ATRNL1: variants seen among roughly 807,000 people sequenced by gnomAD.
The protein encoded by ATRNL1 is attractin-like protein 1.
ATRNL1 carries 95 observed loss-of-function variants against 182.7 expected under a neutral mutation model. The observed-to-expected ratio is 0.52, with a 90% CI of 0.44 to 0.62. The LOEUF is 0.62. Among genes scored for constraint, ATRNL1 ranks in the 20% least tolerant of loss-of-function variants. The pLI is 0.00. For synonymous variants in ATRNL1, 576 were observed against 568.3 expected (o/e 1.01, Z -0.19); for missense variants, 1,471 against 1,679.5 (o/e 0.88, Z 2.17).
intron 28 of ATRNL1, among the ~76,000 whole-genome samples, chr10:115,895,754 T>G (rs888534026): frequency 1.3e-5 from 2 of 152,174 alleles, no homozygotes; most frequent in African/African-American, 2.4e-5. Context: ...GAACTCTTAC[T>G]CAAAGAGGGA....
intron 27 of ATRNL1, among the ~76,000 whole-genome samples, chr10:115,803,230 C>T (rs187756251): frequency 1.5e-4 from 23 of 151,402 alleles, no homozygotes; most frequent in Middle Eastern, 3.4e-3. Flanking sequence ...ACCTAGTATA[C>T]TTACCTAAAT....
At chr10:115,502,250 T>G (rs1481004134) in intron 24 of ATRNL1, among the ~76,000 whole-genome samples, 1 of 151,960 alleles carries the variant, frequency 6.6e-6, no homozygotes, top group African/African-American at 2.4e-5. Flanking sequence ...TTGTATAATT[T>G]TTATACCAAT....
chr10:115,242,166 A>G (rs906163939), intron 10 of ATRNL1, among the ~76,000 whole-genome samples: 1 of 152,034 alleles, frequency 6.6e-6, no homozygotes, highest in Non-Finnish European at 1.5e-5. Context: ...CTTACTATAT[A>G]TAGGAATCTG....
At chr10:115,307,378 GCAGCCTC>G (rs1554926523) in intron 17 of ATRNL1, among the ~76,000 whole-genome samples, 3 of 152,128 alleles carry the variant, frequency 2.0e-5, no homozygotes, top group Admixed American at 6.5e-5. Flanking sequence ...TTCTCCTGCT[GCAGCCTC>G]CTGAGTAGCT....
At chr10:115,151,508 C>A (rs549711856) in intron 5 of ATRNL1, among the ~76,000 whole-genome samples, 2 of 152,140 alleles carry the variant, frequency 1.3e-5, no homozygotes, top group Non-Finnish European at 2.9e-5. Context: ...CTGTTGACTG[C>A]CTAAATGTCT....
chr10:115,254,937 G>C (rs1375191111), intron 10 of ATRNL1, among the ~76,000 whole-genome samples: 1 of 152,198 alleles, frequency 6.6e-6, no homozygotes, highest in East Asian at 1.9e-4. Flanking sequence ...TCAAAGATCA[G>C]ATGTTTGTAG....
chr10:115,637,389 G>GT (rs1296063583), intron 26 of ATRNL1, among the ~76,000 whole-genome samples: 1 of 151,876 alleles, frequency 6.6e-6, no homozygotes, highest in Non-Finnish European at 1.5e-5. Flanking sequence ...ATCTGTCTTA[G>GT]TTTTTTTAAA....
chr10:115,932,257 A>T (rs2134595834), intron 28 of ATRNL1, among the ~76,000 whole-genome samples: 1 of 152,348 alleles, frequency 6.6e-6, no homozygotes, highest in South Asian at 2.1e-4. Context: ...CCTGTTTTGA[A>T]TTACTGGAGA....
chr10:115,882,842 A>G (rs1951857818), intron 28 of ATRNL1, among the ~76,000 whole-genome samples: 1 of 152,212 alleles, frequency 6.6e-6, no homozygotes. Flanking sequence ...CACCCTTGCC[A>G]TATAGCAAGC....
chr10:115,363,994 T>A (rs1479173708), intron 19 of ATRNL1, among the ~76,000 whole-genome samples: 1 of 152,010 alleles, frequency 6.6e-6, no homozygotes, highest in Non-Finnish European at 1.5e-5. Context: ...ATTGACTTGG[T>A]GATGCGGGCT....
chr10:115,517,018 T>A (rs1394825766), intron 24 of ATRNL1, among the ~76,000 whole-genome samples: 1 of 151,978 alleles, frequency 6.6e-6, no homozygotes, highest in East Asian at 1.9e-4. Context: ...TAATAGGAGC[T>A]TTGTCTTATT....
chr10:115,583,724 TA>T (rs1855291999), intron 26 of ATRNL1, among the ~76,000 whole-genome samples: 1 of 150,402 alleles, frequency 6.6e-6, no homozygotes, highest in Non-Finnish European at 1.5e-5. Flanking sequence ...CCTCTTTTCC[TA>T]ATTGAATACC....
At chr10:115,890,536 C>G (rs1423477968) in intron 28 of ATRNL1, among the ~76,000 whole-genome samples, 1 of 152,062 alleles carries the variant, frequency 6.6e-6, no homozygotes, top group Non-Finnish European at 1.5e-5. Flanking sequence ...AAAATTGCTG[C>G]TGCTTGTTAT....
intron 28 of ATRNL1, among the ~76,000 whole-genome samples, chr10:115,895,241 G>A (rs555654339): frequency 6.6e-6 from 1 of 152,268 alleles, no homozygotes; most frequent in East Asian, 1.9e-4. Context: ...GAAACAAGAG[G>A]TACACAGTCC....
At chr10:115,194,833 T>TTTTTTTTTTTAATTTC (rs564143456) in intron 8 of ATRNL1, among the ~76,000 whole-genome samples, 1,631 of 151,744 alleles carry the variant, frequency 0.011, 23 homozygotes, top group African/African-American at 0.036. Context: ...ATTTCTTGCT[T>TTTTTTTTTTTAATTTC]TTTATTTTTT....
intron 24 of ATRNL1, among the ~76,000 whole-genome samples, chr10:115,496,560 CT>C (rs1331682197): frequency 6.6e-6 from 1 of 152,014 alleles, no homozygotes; most frequent in African/African-American, 2.4e-5. Context: ...TTTCTCCATC[CT>C]TTTACTTTGA....
At chr10:115,941,793 T>C (rs1404422210) in intron 28 of ATRNL1, among the ~76,000 whole-genome samples, 1 of 152,328 alleles carries the variant, frequency 6.6e-6, no homozygotes, top group East Asian at 1.9e-4. Flanking sequence ...TCTGCAATTT[T>C]AAAAATAATA....
Position 115,406,407 on chromosome 10 carries a change from T to G in ATRNL1, c.3269+11655T>G, listed in dbSNP as rs1375102161. 2.6e-5 allele frequency among the ~76,000 whole-genome samples: 4 copies of G among 152,318 alleles called. No individual in the cohort carries two copies. The South Asian group carries it at 6.2e-4, about 24-fold the overall frequency. On this transcript the variant is annotated intron_variant, in intron 20 of 28. Transcript: ENST00000355044. The stretch of plus-strand genomic sequence containing the variant: ...TGCATACATTTTGTTGAGTGTGTAT[T>G]CATTATTCATATTTTCAACTTTGGA...
chr10:115,643,594 G>C (rs1565241913), intron 26 of ATRNL1, among the ~76,000 whole-genome samples: 2 of 151,890 alleles, frequency 1.3e-5, no homozygotes, highest in Non-Finnish European at 2.9e-5. Flanking sequence ...CAAAACTCAA[G>C]AAAACAAAAA....
Sources: gnomAD v4.1 joint callset for allele counts (sites outside exome capture counted in the v4.1 genomes callset) on GRCh38, gnomAD v4.1.1 for gene constraint, MANE v1.5 for transcripts, NCBI Gene and HGNC (gene_info 2026-07-23, HGNC 2026-07-21) for gene names.